The following CALN1 variants were observed in gnomAD, a reference collection of about 807,000 sequenced individuals.
CALN1 encodes calcium-binding protein 8.
In CALN1, 17 loss-of-function variants were observed where a neutral mutation model predicts 30.6. The observed-to-expected ratio is 0.56, with a 90% CI of 0.38 to 0.83. CALN1 has a LOEUF of 0.83. Ranked by LOEUF, CALN1 falls within the 40% of genes least tolerant of loss-of-function variation. The probability of loss-of-function intolerance (pLI) is 0.00; values close to 1 mark genes in which losing one functional copy is unlikely to be tolerated. For missense variants in CALN1, 291 were observed against 354.9 expected (o/e 0.82, Z 1.45); for synonymous variants, 156 against 131.4 (o/e 1.19, Z -1.28).
chr7:72,318,182 G>C (rs1800618129), intron 2 of CALN1, among the ~76,000 whole-genome samples: 1 of 152,180 alleles, frequency 6.6e-6, no homozygotes, highest in South Asian at 2.1e-4. Context: ...TGATACTCAA[G>C]TCTTAAACAT....
At chr7:72,053,689 G>C (rs1377888332) in intron 4 of CALN1, among the ~76,000 whole-genome samples, 3 of 151,818 alleles carry the variant, frequency 2.0e-5, no homozygotes, top group Non-Finnish European at 4.4e-5. Context: ...GGTGGTATTT[G>C]ATTACGAGTA....
chr7:72,069,854 C>A (rs771933516), intron 4 of CALN1, among the ~76,000 whole-genome samples: 2 of 152,042 alleles, frequency 1.3e-5, no homozygotes, highest in African/African-American at 4.8e-5. Context: ...GTATTTGGTA[C>A]GAATAAAGTA....
intron 3 of CALN1, among the ~76,000 whole-genome samples, chr7:72,250,919 C>T (rs931554624): frequency 1.3e-5 from 2 of 152,104 alleles, no homozygotes; most frequent in African/African-American, 4.8e-5. Context: ...TCTCATACAC[C>T]ATCCTTTTCC....
chr7:71,893,670 G>A (rs1035829146), intron 5 of CALN1, among the ~76,000 whole-genome samples: 3 of 151,224 alleles, frequency 2.0e-5, no homozygotes, highest in African/African-American at 4.9e-5. Context: ...TAGCCTGGGC[G>A]ACAGAGCAAG....
At chr7:72,278,901 G>GC in intron 2 of CALN1, 91 bp from the exon 3 acceptor site, 1 of 1,495,440 alleles carries the variant, frequency 6.7e-7, no homozygotes, top group African/African-American at 1.4e-5. Context: ...TTTTCAGATG[G>GC]CCAGTGTCAT....
intron 2 of CALN1, among the ~76,000 whole-genome samples, chr7:72,324,053 T>C (rs921961246): frequency 2.6e-5 from 4 of 152,024 alleles, no homozygotes; most frequent in Admixed American, 6.6e-5. Flanking sequence ...TTTTTTTAAA[T>C]GCAGTTCAAC....
chr7:72,087,455 C>T (rs912617331), intron 4 of CALN1, among the ~76,000 whole-genome samples: 1 of 152,160 alleles, frequency 6.6e-6, no homozygotes. Context: ...ACCAATCAAT[C>T]GTCTGACTCA....
rs1164818584 is a variant in CALN1 at position 71,821,787 on chromosome 7, TC to T, written c.502-11296del. Among the ~76,000 whole-genome samples the T allele has an allele frequency of 5.3e-3, 571 of 108,290 alleles. 4 individuals are homozygous for T. The highest frequency in any genetic ancestry group is 0.021 in the African/African-American group (489 of 22,966). The allele number at this position is 108,290 out of a possible 152,430, so 71.0% of individuals were successfully genotyped here. Reference sequence around the variant, plus strand: ...GTGTGAATTCTGCTAAATGTTTCTTTCTTTTTTTTTTTTTTTTTGAGTCAGG... The same window carrying T: ...GTGTGAATTCTGCTAAATGTTTCTTTTTTTTTTTTTTTTTTTTGAGTCAGG... On this transcript the variant is annotated intron_variant, in intron 5 of 6. Transcript: ENST00000395275.
At chr7:71,933,229 T>C (rs1402616971) in intron 5 of CALN1, among the ~76,000 whole-genome samples, 1 of 152,090 alleles carries the variant, frequency 6.6e-6, no homozygotes, top group Non-Finnish European at 1.5e-5. Flanking sequence ...GCCAGTTAAG[T>C]GGGAAACCCA....
chr7:72,357,381 T>A (rs1252359287), intron 2 of CALN1, among the ~76,000 whole-genome samples: 1 of 151,978 alleles, frequency 6.6e-6, no homozygotes, highest in African/African-American at 2.4e-5. Flanking sequence ...GACCAGGTAC[T>A]GCCAATGTTA....
chr7:72,429,191 C>G (rs956821902), intron 1 of CALN1, among the ~76,000 whole-genome samples: 2 of 152,174 alleles, frequency 1.3e-5, no homozygotes, highest in Non-Finnish European at 2.9e-5. Flanking sequence ...GAAAGTCAAT[C>G]AATGGACACC....
intron 5 of CALN1, among the ~76,000 whole-genome samples, chr7:71,875,310 T>C (rs1792181809): frequency 6.6e-6 from 1 of 151,866 alleles, no homozygotes; most frequent in Admixed American, 6.6e-5. Flanking sequence ...CCCTGAAGTA[T>C]GGGTCACACC....
chr7:71,848,926 C>A (rs768357190), intron 5 of CALN1, among the ~76,000 whole-genome samples: 1 of 152,046 alleles, frequency 6.6e-6, no homozygotes, highest in African/African-American at 2.4e-5. Context: ...GCATGCTAAT[C>A]TTTTGTTTAT....
At chr7:72,257,608 C>T (rs957601987) in intron 3 of CALN1, among the ~76,000 whole-genome samples, 4 of 152,146 alleles carry the variant, frequency 2.6e-5, no homozygotes, top group African/African-American at 7.2e-5. Flanking sequence ...AATCCCACTA[C>T]GGGGTTCCTA....
At chr7:72,230,558 G>T (rs1002103634) in intron 3 of CALN1, among the ~76,000 whole-genome samples, 3 of 151,850 alleles carry the variant, frequency 2.0e-5, no homozygotes, top group Admixed American at 2.0e-4. Context: ...CAGAGAGAGA[G>T]ATCTGAAGAT....
At chr7:72,066,928 C>A (rs1045496585) in intron 4 of CALN1, among the ~76,000 whole-genome samples, 1 of 151,832 alleles carries the variant, frequency 6.6e-6, no homozygotes, top group African/African-American at 2.4e-5. Flanking sequence ...ATTACAGGCA[C>A]GTGCCACCAT....
chr7:72,339,167 C>G (rs115002890), intron 2 of CALN1, among the ~76,000 whole-genome samples: 1 of 152,118 alleles, frequency 6.6e-6, no homozygotes. Flanking sequence ...TTTTTTATGG[C>G]TGAATAGTGC....
chr7:71,810,600 C>T (rs1365851609), intron 5 of CALN1, 108 bp from the exon 6 acceptor site: 23 of 1,091,436 alleles, frequency 2.1e-5, no homozygotes, highest in Admixed American at 4.7e-5. Flanking sequence ...CTTGTCTCAG[C>T]GTTTCAGGAT....
chr7:72,420,621 C>CTTTT (rs1162542514), intron 1 of CALN1, among the ~76,000 whole-genome samples: 1 of 131,306 alleles, frequency 7.6e-6, no homozygotes, highest in Admixed American at 7.9e-5. Context: ...CTGGATGCAT[C>CTTTT]TTTTTTTTTT....
Sources: gnomAD v4.1 joint callset for allele counts (sites outside exome capture counted in the v4.1 genomes callset) on GRCh38, gnomAD v4.1.1 for gene constraint, MANE v1.5 for transcripts, NCBI Gene and HGNC (gene_info 2026-07-23, HGNC 2026-07-21) for gene names.